Variants in OPCML observed in about 807,000 individuals in gnomAD.
OPCML encodes opioid binding protein/cell adhesion molecule like.
In OPCML, 13 loss-of-function variants were observed where a neutral mutation model predicts 37.8. That is an observed-to-expected ratio of 0.34 (90% CI 0.22 to 0.55). The LOEUF (loss-of-function observed/expected upper bound fraction) is 0.55, where lower values mean the gene tolerates loss of function less well. OPCML is among the 20% of genes least tolerant of loss of function. The pLI is 0.91. For synonymous variants in OPCML, 176 were observed against 168.8 expected, an observed-to-expected ratio of 1.04 and a Z score of -0.33; for missense variants, 341 against 435.6, an observed-to-expected ratio of 0.78 and a Z score of 1.93.
intron 4 of OPCML, among the ~76,000 whole-genome samples, chr11:132,483,429 ATGG>A (rs957534060): frequency 2.6e-5 from 4 of 152,310 alleles, no homozygotes; most frequent in African/African-American, 9.6e-5. Context: ...ATACAAACAA[ATGG>A]AAGAACATTC....
chr11:132,669,143 C>T (rs1003070475), intron 2 of OPCML, among the ~76,000 whole-genome samples: 1 of 151,960 alleles, frequency 6.6e-6, no homozygotes, highest in Non-Finnish European at 1.5e-5. Flanking sequence ...GCCCACAGGC[C>T]CCAATAGCTT....
intron 1 of OPCML, among the ~76,000 whole-genome samples, chr11:133,372,470 A>G (rs1438026534): frequency 1.3e-5 from 2 of 152,152 alleles, no homozygotes; most frequent in African/African-American, 2.4e-5. Flanking sequence ...TAAATGAGAA[A>G]TGCATATGAA....
chr11:132,987,756 C>G (rs952203693), intron 1 of OPCML, among the ~76,000 whole-genome samples: 1 of 152,194 alleles, frequency 6.6e-6, no homozygotes, highest in Non-Finnish European at 1.5e-5. Context: ...GCTCCACCAA[C>G]TAGCTCCTGA....
intron 1 of OPCML, among the ~76,000 whole-genome samples, chr11:133,343,009 T>A (rs892786276): frequency 5.9e-5 from 9 of 152,272 alleles, no homozygotes; most frequent in South Asian, 2.1e-4. Context: ...CTACATTTTT[T>A]AAATTTTTAT....
chr11:133,140,949 CGAAGAAGAAGAAGAAGAAGAA>C (rs1301893070), intron 1 of OPCML, among the ~76,000 whole-genome samples: 3 of 2,922 alleles, frequency 1.0e-3, no homozygotes, highest in African/African-American at 1.4e-3. Flanking sequence ...AAGAAGACGA[CGAAGAAGAAGAAGAAGAAGAA>C]GAAGAAGAAG....
intron 1 of OPCML, among the ~76,000 whole-genome samples, chr11:133,434,317 G>A (rs886296396): frequency 6.6e-6 from 1 of 152,204 alleles, no homozygotes; most frequent in African/African-American, 2.4e-5. Context: ...GAAAAGTGCT[G>A]CCTCCTCCCT....
chr11:133,382,957 G>C (rs1326112300), intron 1 of OPCML, among the ~76,000 whole-genome samples: 2 of 152,318 alleles, frequency 1.3e-5, no homozygotes, highest in Middle Eastern at 3.4e-3. Flanking sequence ...CCAGGTCACA[G>C]AGTAATGGCA....
chr11:133,405,659 G>T (rs1369161646), intron 1 of OPCML, among the ~76,000 whole-genome samples: 5 of 152,164 alleles, frequency 3.3e-5, no homozygotes, highest in Non-Finnish European at 7.3e-5. Flanking sequence ...GGGAAGCAGA[G>T]CTTTGAGGCT....
chr11:133,251,637 G>C (rs1941139250), intron 1 of OPCML, among the ~76,000 whole-genome samples: 1 of 152,060 alleles, frequency 6.6e-6, no homozygotes, highest in Non-Finnish European at 1.5e-5. Flanking sequence ...GGTTTGTGTA[G>C]AAGAGGAAAC....
intron 1 of OPCML, among the ~76,000 whole-genome samples, chr11:133,374,298 G>C (rs112124381): frequency 6.6e-6 from 1 of 152,222 alleles, no homozygotes. Flanking sequence ...TCTGGAAATA[G>C]AATGTAGATT....
intron 2 of OPCML, among the ~76,000 whole-genome samples, chr11:132,712,896 G>A (rs572256103): frequency 2.0e-5 from 3 of 152,218 alleles, no homozygotes; most frequent in Admixed American, 6.5e-5. Context: ...GCTAGCCCAC[G>A]TCGGCTTAAG....
At chr11:132,952,344 A>G (rs766701378) in intron 1 of OPCML, among the ~76,000 whole-genome samples, 1 of 152,184 alleles carries the variant, frequency 6.6e-6, no homozygotes, top group Non-Finnish European at 1.5e-5. Context: ...ATTACATACC[A>G]CAGAACACAA....
chr11:133,433,696 A>G (rs1203984528), intron 1 of OPCML, among the ~76,000 whole-genome samples: 2 of 152,168 alleles, frequency 1.3e-5, no homozygotes, highest in African/African-American at 4.8e-5. Flanking sequence ...CCCTCCATCC[A>G]GAGACATCTT....
chr11:132,477,080 C>A (rs1448490265), intron 4 of OPCML, among the ~76,000 whole-genome samples: 1 of 152,206 alleles, frequency 6.6e-6, no homozygotes, highest in Non-Finnish European at 1.5e-5. Context: ...AATACATGGA[C>A]TCTCATGTTC....
At chr11:132,685,947 C>T (rs528704720) in intron 2 of OPCML, among the ~76,000 whole-genome samples, 3 of 152,286 alleles carry the variant, frequency 2.0e-5, no homozygotes, top group South Asian at 2.1e-4. Context: ...GGAACAACAA[C>T]GTCCTTTGGG....
intron 1 of OPCML, among the ~76,000 whole-genome samples, chr11:133,400,834 T>C (rs1489403159): frequency 6.6e-6 from 1 of 152,042 alleles, no homozygotes; most frequent in Admixed American, 6.6e-5. Flanking sequence ...GATCCTAAGG[T>C]AGTAGGTTCC....
At chr11:132,947,700 A>C (rs979490479) in intron 1 of OPCML, among the ~76,000 whole-genome samples, 3 of 152,198 alleles carry the variant, frequency 2.0e-5, no homozygotes, top group Admixed American at 6.5e-5. Flanking sequence ...TTATGTCAGA[A>C]CTTTTCTAGG....
intron 1 of OPCML, among the ~76,000 whole-genome samples, chr11:133,105,848 G>T (rs1231059237): frequency 6.6e-6 from 1 of 152,126 alleles, no homozygotes. Context: ...CAGGCATGGT[G>T]GCGGGTGCCT....
chr11:133,175,498 A>AAT (rs397711286), intron 1 of OPCML, among the ~76,000 whole-genome samples: 2 of 151,630 alleles, frequency 1.3e-5, no homozygotes, highest in Non-Finnish European at 1.5e-5. Flanking sequence ...AAAAAAAAAA[A>AAT]CAGAACTAGG....
Sources: allele counts gnomAD v4.1 joint callset (sites outside exome capture counted in the v4.1 genomes callset), GRCh38; gene constraint gnomAD v4.1.1; transcripts MANE v1.5; gene names NCBI Gene and HGNC (gene_info 2026-07-23, HGNC 2026-07-21).